The following CNTN4 variants were observed in gnomAD, a reference collection of about 807,000 sequenced individuals.
CNTN4 encodes the protein contactin 4.
In CNTN4, 77 loss-of-function variants were observed where a neutral mutation model predicts 122.5. The ratio of observed to expected loss-of-function variants is 0.63; its 90% CI spans 0.52 to 0.76. The LOEUF (loss-of-function observed/expected upper bound fraction) is 0.76, where lower values mean the gene tolerates loss of function less well. Among genes scored for constraint, CNTN4 ranks in the 30% least tolerant of loss-of-function variants. The pLI is 0.00. For synonymous variants in CNTN4, 512 were observed against 447.0 expected (o/e 1.15, Z -1.83); for missense variants, 1,256 against 1,259.1 (o/e 1.00, Z 0.04).
chr3:2,601,785 A>G (rs1240298125), intron 4 of CNTN4, among the ~76,000 whole-genome samples: 1 of 152,180 alleles, frequency 6.6e-6, no homozygotes, highest in African/African-American at 2.4e-5. Flanking sequence ...CAGAGACACA[A>G]CAAAAAAAGA....
chr3:2,583,385 C>A (rs1458180165), intron 4 of CNTN4, among the ~76,000 whole-genome samples: 10 of 152,166 alleles, frequency 6.6e-5, no homozygotes, highest in African/African-American at 2.4e-4. Flanking sequence ...GTTCACATGG[C>A]TAAGTGCTTT....
At chr3:2,803,931 G>A (rs2150079950) in intron 6 of CNTN4, among the ~76,000 whole-genome samples, 1 of 152,168 alleles carries the variant, frequency 6.6e-6, no homozygotes. Flanking sequence ...TTGAGACTGA[G>A]TCTCAAAGGA....
At chr3:2,742,936 C>A (rs1164092681) in intron 5 of CNTN4, among the ~76,000 whole-genome samples, 1 of 152,170 alleles carries the variant, frequency 6.6e-6, no homozygotes. Flanking sequence ...AATAGAGACT[C>A]AACTGCATTT....
intron 3 of CNTN4, among the ~76,000 whole-genome samples, chr3:2,468,912 A>G (rs1331043004): frequency 6.6e-6 from 1 of 152,194 alleles, no homozygotes; most frequent in South Asian, 2.1e-4. Flanking sequence ...ATCCTCTTCC[A>G]TGTAAGACTT....
chr3:2,446,208 A>AT (rs1414901007), intron 3 of CNTN4, among the ~76,000 whole-genome samples: 2 of 152,048 alleles, frequency 1.3e-5, no homozygotes, highest in South Asian at 2.1e-4. Context: ...AGTGGGAGAC[A>AT]TTTTTTCAGT....
intron 3 of CNTN4, among the ~76,000 whole-genome samples, chr3:2,389,965 A>C (rs1230816162): frequency 2.0e-5 from 3 of 152,218 alleles, no homozygotes; most frequent in East Asian, 3.9e-4. Flanking sequence ...AAAGGAGATT[A>C]AAGGGACATG....
At chr3:2,810,263 G>A (rs1379398214) in intron 6 of CNTN4, among the ~76,000 whole-genome samples, 1 of 152,160 alleles carries the variant, frequency 6.6e-6, no homozygotes, top group Non-Finnish European at 1.5e-5. Flanking sequence ...CATAGAAATT[G>A]AGAAATTGTG....
chr3:2,427,540 T>C (rs915188983), intron 3 of CNTN4, among the ~76,000 whole-genome samples: 7 of 152,208 alleles, frequency 4.6e-5, no homozygotes, highest in Non-Finnish European at 8.8e-5. Flanking sequence ...GAGAAGAATG[T>C]ATATTCTGTT....
At chr3:2,143,247 G>A (rs906301359) in intron 2 of CNTN4, among the ~76,000 whole-genome samples, 2 of 152,042 alleles carry the variant, frequency 1.3e-5, no homozygotes, top group African/African-American at 4.8e-5. Flanking sequence ...AATAGTTCAG[G>A]TTGTCTTATT....
intron 4 of CNTN4, among the ~76,000 whole-genome samples, chr3:2,596,778 G>A (rs1323932926): frequency 6.6e-6 from 1 of 152,134 alleles, no homozygotes; most frequent in Non-Finnish European, 1.5e-5. Context: ...TACTGCAGAT[G>A]TAAATTATAA....
Position 2,194,012 on chromosome 3 carries a change from G to A in CNTN4, c.-145+93373G>A, listed in dbSNP as rs2037715464. Reference sequence around the variant, plus strand: ...TCAAAACACATCCTTGTGAAGTGATGTGTGACTCTTTTCAGTTCAATGAAG... The same window carrying A: ...TCAAAACACATCCTTGTGAAGTGATATGTGACTCTTTTCAGTTCAATGAAG... On this transcript the variant is annotated intron_variant, in intron 2 of 24. Coordinates refer to ENST00000418658, the MANE Select transcript of CNTN4 (RefSeq NM_175607.3). 2.0e-5 allele frequency among the ~76,000 whole-genome samples: 3 copies of A among 152,138 alleles called. No homozygotes were observed. The South Asian group carries it at 6.2e-4, about 32-fold the overall frequency.
intron 3 of CNTN4, among the ~76,000 whole-genome samples, chr3:2,526,071 C>T (rs756570454): frequency 1.3e-5 from 2 of 152,106 alleles, no homozygotes; most frequent in Non-Finnish European, 2.9e-5. Flanking sequence ...GCAGTATATA[C>T]TGTACATTTA....
At chr3:2,590,220 T>G (rs985829604) in intron 4 of CNTN4, among the ~76,000 whole-genome samples, 1 of 152,178 alleles carries the variant, frequency 6.6e-6, no homozygotes, top group Admixed American at 6.5e-5. Flanking sequence ...CAAGTGATCA[T>G]TTGAAAACAC....
At chr3:2,791,791 C>T (rs75407729) in intron 6 of CNTN4, among the ~76,000 whole-genome samples, 110 of 152,264 alleles carry the variant, frequency 7.2e-4, no homozygotes, top group African/African-American at 2.5e-3. Flanking sequence ...TTGCGTCTTC[C>T]ACCTCCTGAT....
intron 3 of CNTN4, among the ~76,000 whole-genome samples, chr3:2,366,523 C>T (rs1219350945): frequency 6.6e-6 from 1 of 151,926 alleles, no homozygotes; most frequent in South Asian, 2.1e-4. Context: ...GTCAGGAGAT[C>T]GAGACCATCC....
chr3:2,103,617 C>A (rs2032178324), intron 2 of CNTN4, among the ~76,000 whole-genome samples: 1 of 152,212 alleles, frequency 6.6e-6, no homozygotes, highest in Non-Finnish European at 1.5e-5. Context: ...AAAATAGCCT[C>A]TCCTAACTTT....
intron 3 of CNTN4, among the ~76,000 whole-genome samples, chr3:2,368,055 T>C (rs1388887504): frequency 6.4e-5 from 8 of 124,066 alleles, no homozygotes; most frequent in African/African-American, 1.4e-4. Context: ...TTTTTTGAGG[T>C]GGAGTGTCGC....
chr3:2,727,213 A>G (rs934174348), intron 4 of CNTN4, among the ~76,000 whole-genome samples: 1 of 152,202 alleles, frequency 6.6e-6, no homozygotes, highest in African/African-American at 2.4e-5. Context: ...TAGAAGAGAA[A>G]TATAGCCCAC....
At chr3:2,547,272 ATTT>A (rs2078287058) in intron 3 of CNTN4, among the ~76,000 whole-genome samples, 3 of 140,264 alleles carry the variant, frequency 2.1e-5, no homozygotes, top group African/African-American at 5.3e-5. Flanking sequence ...TTATTTATTT[ATTT>A]ATTTTGAGAT....
Sources: gnomAD v4.1 joint callset for allele counts (sites outside exome capture counted in the v4.1 genomes callset) on GRCh38, gnomAD v4.1.1 for gene constraint, MANE v1.5 for transcripts, NCBI Gene and HGNC (gene_info 2026-07-23, HGNC 2026-07-21) for gene names.